The following KALRN variants were observed in gnomAD, a reference collection of about 807,000 sequenced individuals.
KALRN encodes the protein kalirin RhoGEF kinase, also known as kalirin.
Under a neutral mutation model 353.7 loss-of-function variants are expected in KALRN, and 70 were observed. The observed-to-expected ratio is 0.20, with a 90% CI of 0.16 to 0.24. The LOEUF (loss-of-function observed/expected upper bound fraction) is 0.24, where lower values mean the gene tolerates loss of function less well. Among genes scored for constraint, KALRN ranks in the 10% least tolerant of loss-of-function variants. The pLI, the probability that KALRN is intolerant of heterozygous loss-of-function variation, is 1.00. For missense variants in KALRN, 2,791 were observed against 3,756.7 expected (o/e 0.74, Z 6.72); for synonymous variants, 1,391 against 1,434.8 (o/e 0.97, Z 0.69).
In KALRN at chr3:124,364,092, T is replaced by C. The variant is rs569662108; in HGVS notation, c.1770+16827T>C. On this transcript the variant is annotated intron_variant, in intron 10 of 59. Transcript: ENST00000682506. ...GGGGTTCTGTGAACTTATTTATGCC[T>C]AGGTAGATCCTGCCTCCAAGCCAGC... Among the ~76,000 whole-genome samples, 4 of 152,362 alleles carry C rather than the reference T, an allele frequency of 2.6e-5. No homozygotes were observed. The East Asian group carries it at 5.8e-4, about 22-fold the overall frequency.
At chr3:124,356,238 C>A (rs1033721308) in intron 10 of KALRN, among the ~76,000 whole-genome samples, 1 of 152,050 alleles carries the variant, frequency 6.6e-6, no homozygotes, top group Non-Finnish European at 1.5e-5. Flanking sequence ...GGGACTCCAA[C>A]AGGAGTCTCT....
At chr3:124,372,100 C>A (rs1424254020) in intron 10 of KALRN, among the ~76,000 whole-genome samples, 6 of 152,210 alleles carry the variant, frequency 3.9e-5, no homozygotes, top group Non-Finnish European at 5.9e-5. Flanking sequence ...CCAGTTCCAT[C>A]CACGTTTTTG....
rs9860493 is a variant in KALRN at position 124,496,002 on chromosome 3, T to C, written c.4833-309T>C. On this transcript the variant is annotated intron_variant, in intron 32 of 59. Transcript: ENST00000682506. Reference sequence around the variant, plus strand: ...ATATATATATATATATATATATATATATATATATATACACACACATATATA... The same window carrying C: ...ATATATATATATATATATATATATACATATATATATACACACACATATATA... 6.6e-3 allele frequency among the ~76,000 whole-genome samples: 296 copies of C among 44,756 alleles called. 11 individuals carry two copies. Among genetic ancestry groups the C allele is most frequent in the Middle Eastern group, 0.019 (2 of 104 alleles). 29.4% of individuals were successfully genotyped at this position (44,756 alleles called of 152,430 possible).
chr3:124,706,771 T>C (rs1408944330), intron 57 of KALRN, among the ~76,000 whole-genome samples: 1 of 151,718 alleles, frequency 6.6e-6, no homozygotes, highest in African/African-American at 2.4e-5. Context: ...GGTTTCTCCA[T>C]GTTGGCCAGG....
At chr3:124,495,225 T>G (rs778544439) in intron 32 of KALRN, among the ~76,000 whole-genome samples, 28 of 152,106 alleles carry the variant, frequency 1.8e-4, no homozygotes, top group Non-Finnish European at 3.5e-4. Context: ...CCTGTGACTG[T>G]TCACCAATCT....
intron 1 of KALRN, among the ~76,000 whole-genome samples, chr3:124,111,300 A>C (rs1445572696): frequency 6.6e-6 from 1 of 152,164 alleles, no homozygotes; most frequent in African/African-American, 2.4e-5. Context: ...TCATGCATAT[A>C]TTTTAAAGCA....
intron 3 of KALRN, among the ~76,000 whole-genome samples, chr3:124,240,205 A>G (rs895882216): frequency 1.3e-5 from 2 of 152,190 alleles, no homozygotes; most frequent in African/African-American, 4.8e-5. Context: ...AGTAACTGCA[A>G]TCGTTAGTAA....
rs369528078 is a variant in KALRN, at chr3:124,697,613, C to G, written c.7720C>G (p.Arg2574Gly). ...CATAGGTGTTCCAGCAGCCCCTAAC[C>G]GCCCCATTGCCCAGGAGAGAAGCTG... ...KVQGVPAAPN[R>G]PIAQERSCTS... The change falls in exon 55 of 60, where the codon CGC becomes GGC. Residue 2574 changes from arginine to glycine, a missense_variant. Arg to Gly is a moderately radical substitution (Grantham distance 125, BLOSUM62 -2). Transcript: ENST00000682506. 6.2e-7 allele frequency: 1 copy of G among 1,609,420 alleles called. No homozygotes were observed. Among genetic ancestry groups the G allele is most frequent in the Non-Finnish European group, 8.5e-7 (1 of 1,178,738 alleles).
chr3:124,199,164 A>T (rs1168460099), intron 1 of KALRN, among the ~76,000 whole-genome samples: 2 of 152,236 alleles, frequency 1.3e-5, no homozygotes, highest in African/African-American at 4.8e-5. Context: ...TTGATACTGC[A>T]GTGCATGCCT....
At chr3:124,354,564 A>G (rs9875077) in intron 10 of KALRN, among the ~76,000 whole-genome samples, 19,131 of 152,254 alleles carry the variant, frequency 0.13, 1,346 homozygotes, top group Non-Finnish European at 0.17. Flanking sequence ...TGACATAGAA[A>G]AAGAGTGTTA....
At chr3:124,551,121 A>G (rs909157276) in intron 33 of KALRN, among the ~76,000 whole-genome samples, 6 of 152,282 alleles carry the variant, frequency 3.9e-5, no homozygotes, top group Admixed American at 1.3e-4. Context: ...GGATGGTGAG[A>G]GGAGGAGACA....
At chr3:124,637,970 C>G (rs1207974181) in intron 37 of KALRN, among the ~76,000 whole-genome samples, 1 of 152,182 alleles carries the variant, frequency 6.6e-6, no homozygotes, top group Non-Finnish European at 1.5e-5. Context: ...GAAAGGGCCC[C>G]TTTTTGGATA....
At chr3:124,433,718 G>GC (rs1488994550) in intron 16 of KALRN, among the ~76,000 whole-genome samples, 1 of 151,770 alleles carries the variant, frequency 6.6e-6, no homozygotes, top group African/African-American at 2.4e-5. Context: ...GCACTGTTAT[G>GC]CCCCCCAGTG....
At chr3:124,493,176 C>T (rs1214247787) in intron 32 of KALRN, among the ~76,000 whole-genome samples, 1 of 152,190 alleles carries the variant, frequency 6.6e-6, no homozygotes, top group Non-Finnish European at 1.5e-5. Context: ...TCATGTCTGA[C>T]ACATGAAATA....
chr3:124,090,652 G>A (rs1379906751), intron 1 of KALRN, among the ~76,000 whole-genome samples: 4 of 152,186 alleles, frequency 2.6e-5, no homozygotes, highest in Non-Finnish European at 5.9e-5. Flanking sequence ...GACTCTCAGG[G>A]TGTTGGGGGA....
chr3:124,594,374 C>A (rs142718459), intron 34 of KALRN, among the ~76,000 whole-genome samples: 1,765 of 152,188 alleles, frequency 0.012, 33 homozygotes, highest in African/African-American at 0.039. Context: ...TACAGGCGTG[C>A]GCCACCACGC....
rs755028082 is a variant in KALRN at position 124,694,539 on chromosome 3, C to T, written c.7577+36C>T. On this transcript the variant is annotated intron_variant, in intron 53 of 59. Transcript: ENST00000682506. Reference sequence around the variant, plus strand: ...TGCCCTAACATCAGCAACAGCAGCCCCTTGCTTGACACAGCACTGAGAGGC... The same window carrying T: ...TGCCCTAACATCAGCAACAGCAGCCTCTTGCTTGACACAGCACTGAGAGGC... 3 of 1,595,412 alleles carry T rather than the reference C, an allele frequency of 1.9e-6. No individual in the cohort carries two copies. In the Middle Eastern group the frequency reaches 5.0e-4, roughly 267 times the overall value.
intron 10 of KALRN, among the ~76,000 whole-genome samples, chr3:124,354,734 G>C (rs371114173): frequency 6.6e-6 from 1 of 152,174 alleles, no homozygotes; most frequent in African/African-American, 2.4e-5. Context: ...ATAATAGGTA[G>C]TCCTGAGACC....
chr3:124,479,549 A>G (rs971811402), intron 27 of KALRN, among the ~76,000 whole-genome samples: 5 of 152,220 alleles, frequency 3.3e-5, no homozygotes, highest in Admixed American at 6.5e-5. Flanking sequence ...CTTTCATTCC[A>G]TCAGAAGAGT....
Sources: allele counts gnomAD v4.1 joint callset (sites outside exome capture counted in the v4.1 genomes callset), GRCh38; gene constraint gnomAD v4.1.1; transcripts MANE v1.5; gene names NCBI Gene and HGNC (gene_info 2026-07-23, HGNC 2026-07-21).